The following TAFA4 variants were observed in gnomAD, a reference collection of about 807,000 sequenced individuals.
The protein encoded by TAFA4 is TAFA chemokine like family member 4.
A neutral mutation model predicts 21.1 loss-of-function variants in TAFA4; 20 were observed. That is an observed-to-expected ratio of 0.95 (90% CI 0.67 to 1.38). The LOEUF (loss-of-function observed/expected upper bound fraction) is 1.38, where lower values mean the gene tolerates loss of function less well. Ranked by LOEUF, TAFA4 falls within the 40% of genes most tolerant of loss-of-function variation. TAFA4 has a pLI of 0.00. For missense variants in TAFA4, 211 were observed against 180.9 expected (o/e 1.17, Z -0.95); for synonymous variants, 71 against 67.4 (o/e 1.05, Z -0.26).
chr3:68,880,242 T>G (rs1219909402), intron 3 of TAFA4, among the ~76,000 whole-genome samples: 1 of 152,182 alleles, frequency 6.6e-6, no homozygotes, highest in Non-Finnish European at 1.5e-5. Context: ...TTTTTCTCTT[T>G]TCTTTTTTTA....
chr3:68,774,796 A>G (rs1703020380), intron 3 of TAFA4, among the ~76,000 whole-genome samples: 1 of 152,232 alleles, frequency 6.6e-6, no homozygotes, highest in South Asian at 2.1e-4. Flanking sequence ...CTTTCTAATC[A>G]AAACATGAAA....
chr3:68,749,791 C>T (rs1702527830), intron 4 of TAFA4, among the ~76,000 whole-genome samples: 1 of 152,200 alleles, frequency 6.6e-6, no homozygotes. Context: ...TCAAGCATAA[C>T]CTGCACTTTC....
intron 1 of TAFA4, among the ~76,000 whole-genome samples, chr3:68,914,930 T>C (rs1361703981): frequency 6.6e-6 from 1 of 152,236 alleles, no homozygotes; most frequent in Non-Finnish European, 1.5e-5. Flanking sequence ...ATTCATAAAA[T>C]GTATTAGAAC....
intron 3 of TAFA4, among the ~76,000 whole-genome samples, chr3:68,855,997 A>G (rs559479609): frequency 6.6e-6 from 1 of 152,224 alleles, no homozygotes; most frequent in African/African-American, 2.4e-5. Flanking sequence ...CACCACAACA[A>G]AACTCCCAAA....
At chr3:68,821,006 C>G (rs1345821427) in intron 3 of TAFA4, among the ~76,000 whole-genome samples, 1 of 152,102 alleles carries the variant, frequency 6.6e-6, no homozygotes, top group Non-Finnish European at 1.5e-5. Context: ...ATGTAGTGTA[C>G]AAATACCCAC....
intron 3 of TAFA4, among the ~76,000 whole-genome samples, chr3:68,826,415 AC>A (rs1378625209): frequency 6.6e-6 from 1 of 152,142 alleles, no homozygotes; most frequent in African/African-American, 2.4e-5. Context: ...TACTAAAAAT[AC>A]AAAAAAATTG....
At chr3:68,880,866 G>A in intron 2 of TAFA4, 21 bp from the exon 3 acceptor site, 1 of 1,602,362 alleles carries the variant, frequency 6.2e-7, no homozygotes, top group Non-Finnish European at 8.5e-7. Context: ...AGCAGGGCTG[G>A]AGTCAGTGAG....
chr3:68,788,016 G>T (rs1703291880), intron 3 of TAFA4, among the ~76,000 whole-genome samples: 1 of 152,194 alleles, frequency 6.6e-6, no homozygotes, highest in Non-Finnish European at 1.5e-5. Context: ...CTGTGCATTT[G>T]CATATTTCTG....
At chr3:68,826,475 A>C (rs1704241156) in intron 3 of TAFA4, among the ~76,000 whole-genome samples, 1 of 150,590 alleles carries the variant, frequency 6.6e-6, no homozygotes, top group Admixed American at 6.6e-5. Flanking sequence ...TGGGAGGCTG[A>C]GGCAGGAGAA....
chr3:68,756,785 T>C (rs1173005060), intron 3 of TAFA4, among the ~76,000 whole-genome samples: 1 of 152,212 alleles, frequency 6.6e-6, no homozygotes, highest in Non-Finnish European at 1.5e-5. Context: ...CCTAATTAAA[T>C]GTTCATAACA....
chr3:68,754,880 C>T (rs901975713), intron 3 of TAFA4, among the ~76,000 whole-genome samples: 3 of 152,154 alleles, frequency 2.0e-5, no homozygotes, highest in Non-Finnish European at 4.4e-5. Flanking sequence ...GTGTCATATT[C>T]TCATCATTCT....
At chr3:68,833,345 A>G (rs1317289912) in intron 3 of TAFA4, among the ~76,000 whole-genome samples, 1 of 152,192 alleles carries the variant, frequency 6.6e-6, no homozygotes, top group East Asian at 1.9e-4. Context: ...ATAAATTTCT[A>G]TTTTAAAGAA....
At chr3:68,747,558 G>T (rs564504400) in intron 4 of TAFA4, among the ~76,000 whole-genome samples, 2 of 152,158 alleles carry the variant, frequency 1.3e-5, no homozygotes, top group Non-Finnish European at 2.9e-5. Flanking sequence ...ACGTGGAACT[G>T]TGAGTCCATT....
chr3:68,808,979 G>A (rs1703768938), intron 3 of TAFA4, among the ~76,000 whole-genome samples: 1 of 152,162 alleles, frequency 6.6e-6, no homozygotes. Flanking sequence ...CTTTTGTCCA[G>A]GAGGTACACA....
intron 3 of TAFA4, among the ~76,000 whole-genome samples, chr3:68,757,387 C>T (rs1382510772): frequency 3.3e-5 from 5 of 152,078 alleles, no homozygotes; most frequent in African/African-American, 1.2e-4. Context: ...AATATAATCA[C>T]ATTTGGGGTT....
At chr3:68,798,311 T>C (rs1703496634) in intron 3 of TAFA4, among the ~76,000 whole-genome samples, 1 of 152,172 alleles carries the variant, frequency 6.6e-6, no homozygotes, top group African/African-American at 2.4e-5. Context: ...TGTTTATAAA[T>C]CTAAAAATAT....
chr3:68,767,539 T>C (rs1373462174), intron 3 of TAFA4, among the ~76,000 whole-genome samples: 2 of 152,070 alleles, frequency 1.3e-5, no homozygotes, highest in East Asian at 3.9e-4. Flanking sequence ...GATGTATCAA[T>C]AAATTGCAAT....
At chr3:68,862,057 T>G (rs1450513545) in intron 3 of TAFA4, among the ~76,000 whole-genome samples, 1 of 151,964 alleles carries the variant, frequency 6.6e-6, no homozygotes, top group Non-Finnish European at 1.5e-5. Context: ...GGTAAGCTGG[T>G]GAACTTGAGG....
intron 3 of TAFA4, among the ~76,000 whole-genome samples, chr3:68,873,179 A>G (rs891068627): frequency 1.3e-5 from 2 of 152,154 alleles, no homozygotes; most frequent in Non-Finnish European, 2.9e-5. Flanking sequence ...CATCAGGCTC[A>G]TTAGAAAACA....
Sources: allele counts gnomAD v4.1 joint callset (sites outside exome capture counted in the v4.1 genomes callset), GRCh38; gene constraint gnomAD v4.1.1; transcripts MANE v1.5; gene names NCBI Gene and HGNC (gene_info 2026-07-23, HGNC 2026-07-21).